ABCB4: variants seen among roughly 807,000 people sequenced by gnomAD.
ABCB4 encodes phosphatidylcholine translocator ABCB4.
ABCB4 carries 76 observed loss-of-function variants against 145.7 expected under a neutral mutation model. The ratio of observed to expected loss-of-function variants is 0.52; its 90% CI spans 0.43 to 0.63. The LOEUF is 0.63. ABCB4 is among the 30% of genes least tolerant of loss of function. The pLI, the probability that ABCB4 is intolerant of heterozygous loss-of-function variation, is 0.00. For synonymous variants in ABCB4, 517 were observed against 566.8 expected, an observed-to-expected ratio of 0.91 and a Z score of 1.25; for missense variants, 1,234 against 1,553.1, an observed-to-expected ratio of 0.79 and a Z score of 3.45.
At chr7:87,451,924 T>C in intron 6 of ABCB4, 130 bp from the exon 7 acceptor site, 2 of 833,316 alleles carry the variant, frequency 2.4e-6, no homozygotes, top group Non-Finnish European at 4.1e-6. Context: ...AGTCTTAGCC[T>C]CTTGAATAAC....
At chr7:87,401,423 C>T (rs764553907), downstream of ABCB4, among the ~76,000 whole-genome samples, 10 of 152,074 alleles carry the variant, frequency 6.6e-5, no homozygotes, top group South Asian at 2.1e-4. Context: ...TAAAAGAGAA[C>T]GCAGTTGCTA....
At chr7:87,422,648 A>G (rs921798104) in intron 17 of ABCB4, among the ~76,000 whole-genome samples, 4 of 151,958 alleles carry the variant, frequency 2.6e-5, no homozygotes, top group Non-Finnish European at 4.4e-5. Flanking sequence ...TCCTCTTCCT[A>G]TATGTCCCTT....
chr7:87,458,969 T>C (rs2116868003), intron 4 of ABCB4, among the ~76,000 whole-genome samples: 1 of 148,030 alleles, frequency 6.8e-6, no homozygotes, highest in Middle Eastern at 3.4e-3. Flanking sequence ...CCATTCAGTT[T>C]CATAATTAGG....
the ABCB4 span, among the ~76,000 whole-genome samples, chr7:87,392,157 C>T: frequency 1.3e-5 from 2 of 152,058 alleles, no homozygotes; most frequent in Admixed American, 6.6e-5. Flanking sequence ...CAGCAAATTT[C>T]CTTCTCACTG....
Position 87,439,653 on chromosome 7 carries a change from T to TA in ABCB4, c.1731+13dup. ...TCAATGTGGTGGTCCTTCAGCTTTT[T>TA]AGAGTCTACTGACCTTATCCAGAGC... On this transcript the variant is annotated intron_variant, in intron 14 of 27. Transcript: ENST00000649586. The TA allele has an allele frequency of 6.2e-7, 1 of 1,614,162 alleles. No individual in the cohort carries two copies.
In ABCB4 at chr7:87,408,217, A is replaced by G. The variant is rs2116365343; in HGVS notation, c.3099T>C (p.Asn1033=). 1 of 1,614,044 alleles carries G rather than the reference A, an allele frequency of 6.2e-7. No individual in the cohort carries two copies. Among genetic ancestry groups the G allele is most frequent in the South Asian group, 1.1e-5 (1 of 91,080 alleles). The change falls in exon 25 of 28, where the codon AAT becomes AAC. Residue 1033 remains asparagine (N), a synonymous_variant. Coordinates refer to ENST00000649586, the MANE Select transcript of ABCB4 (RefSeq NM_000443.4). ...TGAACACGACTTCATTAAATGTTATATTTCCTTCAAATTTATCCTGAATAA... is the reference window on the plus strand; with the variant it reads ...TGAACACGACTTCATTAAATGTTATGTTTCCTTCAAATTTATCCTGAATAA... ...EGLKPDKFEG[N]ITFNEVVFNY...
intron 14 of ABCB4, among the ~76,000 whole-genome samples, chr7:87,434,056 G>A (rs1229309830): frequency 6.6e-6 from 1 of 150,384 alleles, no homozygotes; most frequent in East Asian, 2.0e-4. Flanking sequence ...AGCTTCCCCA[G>A]TAGCTGGGAC....
intron 25 of ABCB4, among the ~76,000 whole-genome samples, chr7:87,407,608 AG>A (rs1195380868): frequency 2.0e-5 from 3 of 152,232 alleles, no homozygotes; most frequent in African/African-American, 7.2e-5. Context: ...TGAGGATCAA[AG>A]TCAAAGTTCG....
chr7:87,471,571 A>C (rs937732549), intron 3 of ABCB4, among the ~76,000 whole-genome samples: 2 of 152,148 alleles, frequency 1.3e-5, no homozygotes, highest in African/African-American at 4.8e-5. Context: ...AGTGTTTGAG[A>C]GTGTGGATGT....
chr7:87,473,700 G>A (rs531793437), intron 2 of ABCB4, among the ~76,000 whole-genome samples: 15 of 151,460 alleles, frequency 9.9e-5, no homozygotes, highest in South Asian at 6.2e-4. Context: ...TCTGTCCTCC[G>A]TACTATAATA....
At chr7:87,413,346 C>T (rs1808753417) in intron 22 of ABCB4, among the ~76,000 whole-genome samples, 1 of 152,184 alleles carries the variant, frequency 6.6e-6, no homozygotes, top group Non-Finnish European at 1.5e-5. Flanking sequence ...ATTTATGTTG[C>T]CTGCACTGAT....
chr7:87,419,723 G>A (rs1025371556), intron 19 of ABCB4, among the ~76,000 whole-genome samples: 5 of 149,620 alleles, frequency 3.3e-5, no homozygotes, highest in African/African-American at 1.2e-4. Context: ...CGAAATGATA[G>A]TGTCTACATG....
chr7:87,398,365 A>G (rs1584657188), downstream of ABCB4: 1 of 849,268 alleles, frequency 1.2e-6, no homozygotes, highest in Admixed American at 1.9e-5. Context: ...ATCTACAGAT[A>G]TGGCTTTACC....
At chr7:87,463,798 T>C (rs1216135419) in intron 3 of ABCB4, among the ~76,000 whole-genome samples, 1 of 152,196 alleles carries the variant, frequency 6.6e-6, no homozygotes, top group South Asian at 2.1e-4. Context: ...GTTGTCACAG[T>C]GAAGTGCACA....
the ABCB4 span, among the ~76,000 whole-genome samples, chr7:87,372,377 G>T: frequency 2.6e-5 from 4 of 152,030 alleles, no homozygotes; most frequent in Admixed American, 2.6e-4. Context: ...GATAATATTT[G>T]TGTGTCTTCC....
chr7:87,445,562 T>C (rs939485608), intron 9 of ABCB4, among the ~76,000 whole-genome samples: 1 of 152,222 alleles, frequency 6.6e-6, no homozygotes, highest in Admixed American at 6.5e-5. Flanking sequence ...AATGAATTGA[T>C]ATAAAGAAGC....
Position 87,417,370 on chromosome 7 carries a change from A to G in ABCB4, c.2624T>C (p.Met875Thr). Residue 875 changes from methionine (M) to threonine (T), a missense_variant, in exon 21 of 28, where the codon ATG becomes ACG. By Grantham distance (81) the Met-to-Thr change is moderately conservative. Around this residue, in one of 7 missense-constraint regions of ABCB4, gnomAD observed 301 missense variants for 389.0 expected, o/e 0.77. Transcript: ENST00000649586. ...TTTGGCATTTCCAGCCAACAATTTC[A>G]TTTCAACAATTCCTGACACAGCAAT... is the stretch of plus-strand genomic sequence containing the variant. ...PIIAVSGIVE[M>T]KLLAGNAKRD... is the part of the protein sequence containing the mutation. 3 of 1,614,122 alleles carry G rather than the reference A, an allele frequency of 1.9e-6. No homozygotes were observed. The highest frequency in any genetic ancestry group is 2.5e-6 in the Non-Finnish European group (3 of 1,180,014).
At chr7:87,398,735 A>T (rs1807639234), downstream of ABCB4, 1 of 1,204,706 alleles carries the variant, frequency 8.3e-7, no homozygotes, top group Non-Finnish European at 1.2e-6. Context: ...AGGAATGTTG[A>T]CTTGCTAACA....
intron 21 of ABCB4, among the ~76,000 whole-genome samples, chr7:87,416,857 C>A (rs1809009396): frequency 6.6e-6 from 1 of 152,168 alleles, no homozygotes; most frequent in Non-Finnish European, 1.5e-5. Flanking sequence ...ATAGTGAGAA[C>A]CACAAAATTG....
Sources: allele counts gnomAD v4.1 joint callset (sites outside exome capture counted in the v4.1 genomes callset), GRCh38; gene constraint gnomAD v4.1.1; regional missense constraint gnomAD v4.1.1; transcripts MANE v1.5; gene names NCBI Gene and HGNC (gene_info 2026-07-23, HGNC 2026-07-21).